ADGRB3: variants seen among roughly 807,000 people sequenced by gnomAD.
The protein encoded by ADGRB3 is brain-specific angiogenesis inhibitor 3.
In ADGRB3, 37 loss-of-function variants were observed where a neutral mutation model predicts 193.4. The observed-to-expected ratio is 0.19, with a 90% CI of 0.15 to 0.25. ADGRB3 has a LOEUF of 0.25. ADGRB3 is among the 10% of genes least tolerant of loss of function. The pLI is 1.00. For missense variants in ADGRB3, 1,637 were observed against 1,852.9 expected (o/e 0.88, Z 2.14); for synonymous variants, 690 against 644.2 (o/e 1.07, Z -1.08).
chr6:69,182,281 A>T (rs552140682), intron 17 of ADGRB3, among the ~76,000 whole-genome samples: 11 of 152,144 alleles, frequency 7.2e-5, no homozygotes, highest in African/African-American at 2.7e-4. Flanking sequence ...AGATAATCGT[A>T]GAGTTACATA....
chr6:69,252,975 A>G, intron 20 of ADGRB3, among the ~76,000 whole-genome samples: 1 of 151,990 alleles, frequency 6.6e-6, no homozygotes, highest in East Asian at 1.9e-4. Flanking sequence ...TGTGTGTTAT[A>G]TGAGGTAGGT....
At chr6:69,132,997 G>C (rs1402243705) in intron 17 of ADGRB3, among the ~76,000 whole-genome samples, 3 of 152,050 alleles carry the variant, frequency 2.0e-5, no homozygotes, top group Non-Finnish European at 4.4e-5. Flanking sequence ...ATCTGTTTTG[G>C]TACCAGTACC....
chr6:68,784,179 G>GT lies in ADGRB3; in HGVS notation c.757+144753dup, dbSNP rs373563978. Among the ~76,000 whole-genome samples, 287 of 152,136 alleles carry GT rather than the reference G, an allele frequency of 1.9e-3. 3 individuals are homozygous for GT. The highest frequency in any genetic ancestry group is 6.5e-3 in the African/African-American group (271 of 41,538). ...ACCTTATGAATTTAGTAGCATAGCT[G>GT]TTTTTTGCTACAATTTGAATATGAG... On this transcript the variant is annotated intron_variant, in intron 3 of 31. Transcript: ENST00000370598.
intron 3 of ADGRB3, among the ~76,000 whole-genome samples, chr6:68,850,260 CT>C (rs1215495430): frequency 4.0e-5 from 6 of 151,638 alleles, no homozygotes; most frequent in African/African-American, 1.5e-4. Flanking sequence ...GATGCTCAAG[CT>C]TTTTTACTTT....
At chr6:69,291,672 G>A (rs1040964364) in intron 20 of ADGRB3, among the ~76,000 whole-genome samples, 2 of 152,034 alleles carry the variant, frequency 1.3e-5, no homozygotes, top group Admixed American at 6.6e-5. Context: ...ATATATTGGG[G>A]TTTCTTCAAT....
intron 20 of ADGRB3, among the ~76,000 whole-genome samples, chr6:69,239,866 A>G (rs1461568536): frequency 6.6e-6 from 1 of 152,016 alleles, no homozygotes; most frequent in East Asian, 1.9e-4. Flanking sequence ...TGTCTTTACT[A>G]TTCTGAAATG....
chr6:69,186,698 T>A (rs1765078064), intron 17 of ADGRB3, among the ~76,000 whole-genome samples: 1 of 152,148 alleles, frequency 6.6e-6, no homozygotes, highest in African/African-American at 2.4e-5. Context: ...AAAAATCTGC[T>A]TCCTCAAATC....
At chr6:68,861,681 T>G (rs1765160476) in intron 3 of ADGRB3, among the ~76,000 whole-genome samples, 1 of 152,228 alleles carries the variant, frequency 6.6e-6, no homozygotes, top group African/African-American at 2.4e-5. Flanking sequence ...GCCTTCAGTT[T>G]CCAAATTGTA....
chr6:69,028,000 A>G (rs1358017265), intron 13 of ADGRB3, among the ~76,000 whole-genome samples: 1 of 152,140 alleles, frequency 6.6e-6, no homozygotes, highest in Non-Finnish European at 1.5e-5. Flanking sequence ...CCTAACTCCA[A>G]CCCAAATCCT....
At chr6:68,643,304 G>A (rs757457235) in intron 3 of ADGRB3, among the ~76,000 whole-genome samples, 8 of 152,056 alleles carry the variant, frequency 5.3e-5, no homozygotes, top group Non-Finnish European at 8.8e-5. Context: ...CATTTTTAGG[G>A]ACATATTTGC....
chr6:68,657,637 C>G (rs1046096188), intron 3 of ADGRB3, among the ~76,000 whole-genome samples: 4 of 151,222 alleles, frequency 2.6e-5, no homozygotes, highest in African/African-American at 9.7e-5. Context: ...TAAACATTTT[C>G]CTATTACTTT....
At chr6:68,767,276 C>A (rs1241029058) in intron 3 of ADGRB3, among the ~76,000 whole-genome samples, 1 of 151,910 alleles carries the variant, frequency 6.6e-6, no homozygotes, top group Non-Finnish European at 1.5e-5. Flanking sequence ...AAGAGCTACA[C>A]AATTTTTTCT....
chr6:69,115,669 A>G (rs1474924423), intron 17 of ADGRB3, among the ~76,000 whole-genome samples: 1 of 152,224 alleles, frequency 6.6e-6, no homozygotes, highest in East Asian at 1.9e-4. Flanking sequence ...AAAATGGATC[A>G]TATACAGCCT....
Position 69,303,399 on chromosome 6 carries a change from C to A in ADGRB3, c.2815-21473C>A, listed in dbSNP as rs566416087. ...CGTCTGCCTCTTCCATCTTGGCCAC[C>A]CCTTACACAGCAAGACTAACCCCTC... On this transcript the variant is annotated intron_variant, in intron 20 of 31. Coordinates refer to ENST00000370598, the MANE Select transcript of ADGRB3 (RefSeq NM_001704.3). 5.3e-5 allele frequency among the ~76,000 whole-genome samples: 8 copies of A among 151,974 alleles called. No individual in the cohort carries two copies. The South Asian group carries it at 1.5e-3, about 28-fold the overall frequency.
intron 20 of ADGRB3, among the ~76,000 whole-genome samples, chr6:69,242,412 CT>C (rs1253691129): frequency 2.0e-5 from 3 of 151,742 alleles, no homozygotes; most frequent in Non-Finnish European, 4.4e-5. Flanking sequence ...TCCGAGAGAG[CT>C]TTTTGATGAA....
intron 29 of ADGRB3, among the ~76,000 whole-genome samples, chr6:69,361,757 T>C (rs1200074269): frequency 5.9e-5 from 9 of 151,794 alleles, no homozygotes; most frequent in South Asian, 2.1e-4. Context: ...GAACCCATTA[T>C]ATTTAAAAAG....
chr6:69,288,557 C>T (rs1767600905), intron 20 of ADGRB3, among the ~76,000 whole-genome samples: 1 of 152,128 alleles, frequency 6.6e-6, no homozygotes, highest in South Asian at 2.1e-4. Context: ...TTACCATTCT[C>T]CAGAAACTGA....
intron 3 of ADGRB3, among the ~76,000 whole-genome samples, chr6:68,820,894 A>G (rs1767736779): frequency 6.6e-6 from 1 of 152,092 alleles, no homozygotes; most frequent in South Asian, 2.1e-4. Context: ...TGGTCTAGAC[A>G]AAGAGACAGA....
intron 16 of ADGRB3, among the ~76,000 whole-genome samples, chr6:69,063,923 T>C (rs1771823935): frequency 6.6e-6 from 1 of 152,028 alleles, no homozygotes; most frequent in Non-Finnish European, 1.5e-5. Flanking sequence ...AGTTTCATGA[T>C]TTACTTGTAC....
Sources: allele counts gnomAD v4.1 joint callset (sites outside exome capture counted in the v4.1 genomes callset), GRCh38; gene constraint gnomAD v4.1.1; transcripts MANE v1.5; gene names NCBI Gene and HGNC (gene_info 2026-07-23, HGNC 2026-07-21).